Variants in WDFY4 observed in about 807,000 individuals in gnomAD.
WDFY4 encodes the protein WD repeat- and FYVE domain-containing protein 4.
Under a neutral mutation model 351.9 loss-of-function variants are expected in WDFY4, and 169 were observed. That is an observed-to-expected ratio of 0.48 (90% confidence interval 0.42 to 0.55). The LOEUF is 0.55. Among genes scored for constraint, WDFY4 ranks in the 20% least tolerant of loss-of-function variants. The probability of loss-of-function intolerance (pLI) is 0.00; values close to 1 mark genes in which losing one functional copy is unlikely to be tolerated. For synonymous variants in WDFY4, 1,622 were observed against 1,574.6 expected (o/e 1.03, Z -0.71); for missense variants, 3,803 against 3,935.6 (o/e 0.97, Z 0.90).
intron 13 of WDFY4, among the ~76,000 whole-genome samples, chr10:48,770,159 TA>T (rs2065814781): frequency 6.6e-6 from 1 of 152,362 alleles, no homozygotes; most frequent in Non-Finnish European, 1.5e-5. Context: ...GCTGCAGTGA[TA>T]ATGAGGACGA....
At chr10:48,894,751 C>T (rs564645178) in intron 44 of WDFY4, among the ~76,000 whole-genome samples, 4 of 152,260 alleles carry the variant, frequency 2.6e-5, no homozygotes, top group Admixed American at 2.6e-4. Context: ...GTGGTTCCCA[C>T]AAGCATGGGA....
At chr10:48,804,020 T>C (rs2067169891) in intron 25 of WDFY4, among the ~76,000 whole-genome samples, 1 of 152,216 alleles carries the variant, frequency 6.6e-6, no homozygotes. Flanking sequence ...TTTTTAAAAA[T>C]TTAACAGTCT....
intron 12 of WDFY4, among the ~76,000 whole-genome samples, chr10:48,751,622 T>C (rs2065185007): frequency 6.6e-6 from 1 of 152,232 alleles, no homozygotes; most frequent in Admixed American, 6.5e-5. Flanking sequence ...ATGGTGGCTG[T>C]CTGGAGTAAT....
chr10:48,901,412 T>G (rs1366567149), intron 46 of WDFY4, among the ~76,000 whole-genome samples: 1 of 152,140 alleles, frequency 6.6e-6, no homozygotes, highest in Non-Finnish European at 1.5e-5. Context: ...TAATGCAGAC[T>G]CCACAACCAC....
intron 53 of WDFY4, 135 bp from the exon 54 acceptor site, chr10:48,963,707 A>G: frequency 9.9e-7 from 1 of 1,012,158 alleles, no homozygotes; most frequent in Non-Finnish European, 1.4e-6. Flanking sequence ...TGTGCTCATC[A>G]AGCCCAGGGG....
rs979245637 is a variant in WDFY4 at position 48,788,652 on chromosome 10, G to C, written c.3931G>C (p.Asp1311His). 1.3e-6 allele frequency: 2 copies of C among 1,551,598 alleles called. No individual in the cohort carries two copies. Among genetic ancestry groups the C allele is most frequent in the African/African-American group, 2.7e-5 (2 of 73,058 alleles). Reference sequence around the variant, plus strand: ...CATCAGAAATGCTTACAATGAGGTGGACAGCCGCCTGATCGCCAAAGAGGT... The same window carrying C: ...CATCAGAAATGCTTACAATGAGGTGCACAGCCGCCTGATCGCCAAAGAGGT... ...ADIRNAYNEV[D>H]SRLIAKEMNI... The change falls in exon 21 of 62, where the codon GAC (aspartate) becomes CAC (histidine). Residue 1311 changes from aspartate (D) to histidine (H), a missense_variant. Asp to His is a moderately conservative substitution (Grantham distance 81). Around this residue, in one of 3 missense-constraint regions of WDFY4, gnomAD observed 3,054 missense variants for 3,148.6 expected, o/e 0.97. Transcript: ENST00000325239.
intron 33 of WDFY4, 120 bp downstream of exon 33, chr10:48,820,557 A>G (rs1480560727): frequency 2.7e-6 from 3 of 1,117,324 alleles, no homozygotes; most frequent in Non-Finnish European, 3.8e-6. Flanking sequence ...AGTGAAGGGG[A>G]ATCTGTGAAC....
intron 2 of WDFY4, among the ~76,000 whole-genome samples, chr10:48,711,673 C>T (rs2063770690): frequency 6.6e-6 from 1 of 152,212 alleles, no homozygotes; most frequent in Non-Finnish European, 1.5e-5. Flanking sequence ...CTATACTCTG[C>T]TCTAAGGCCT....
At chr10:48,819,103 C>T (rs899437412) in intron 32 of WDFY4, among the ~76,000 whole-genome samples, 115 of 152,364 alleles carry the variant, frequency 7.5e-4, no homozygotes, top group African/African-American at 2.2e-3. Flanking sequence ...TGACCCAGGG[C>T]TCCTGCTCCC....
intron 1 of WDFY4, among the ~76,000 whole-genome samples, chr10:48,694,435 C>A (rs557783294): frequency 6.6e-6 from 1 of 152,136 alleles, no homozygotes; most frequent in African/African-American, 2.4e-5. Flanking sequence ...TCCAAAGCCC[C>A]TGCTTCTGTG....
intron 39 of WDFY4, among the ~76,000 whole-genome samples, chr10:48,833,924 T>C (rs2068287055): frequency 6.6e-6 from 1 of 152,160 alleles, no homozygotes; most frequent in South Asian, 2.1e-4. Context: ...CAGCTCAGAA[T>C]CTGTAACTGC....
chr10:48,896,346 A>G (rs1005920426), intron 44 of WDFY4, among the ~76,000 whole-genome samples: 1 of 152,198 alleles, frequency 6.6e-6, no homozygotes, highest in Non-Finnish European at 1.5e-5. Flanking sequence ...GGTAGGAAGG[A>G]GAATTACCAC....
intron 15 of WDFY4, among the ~76,000 whole-genome samples, 158 bp from the exon 16 acceptor site, chr10:48,776,591 TG>T (rs2066037720): frequency 6.6e-6 from 1 of 152,216 alleles, no homozygotes; most frequent in African/African-American, 2.4e-5. Flanking sequence ...GGGCCCGGGC[TG>T]GGGGCCAGGG....
chr10:48,745,754 T>G, intron 12 of WDFY4: 1 of 518,530 alleles, frequency 1.9e-6, no homozygotes, highest in Non-Finnish European at 3.6e-6. Flanking sequence ...CTTGTGGGCT[T>G]CAGATGCACA....
intron 51 of WDFY4, among the ~76,000 whole-genome samples, chr10:48,947,772 G>A (rs1343751282): frequency 1.3e-5 from 2 of 152,166 alleles, no homozygotes; most frequent in Non-Finnish European, 2.9e-5. Context: ...TTTTGAACGG[G>A]GAGATAGCCC....
intron 44 of WDFY4, among the ~76,000 whole-genome samples, chr10:48,893,706 C>A (rs1279609307): frequency 6.6e-6 from 1 of 152,190 alleles, no homozygotes; most frequent in Non-Finnish European, 1.5e-5. Context: ...ATAATTCTGG[C>A]AACAGTCAGG....
At chr10:48,889,459 C>T (rs2133362456) in intron 43 of WDFY4, among the ~76,000 whole-genome samples, 1 of 151,810 alleles carries the variant, frequency 6.6e-6, no homozygotes, top group South Asian at 2.1e-4. Flanking sequence ...TAGTAGGTGG[C>T]TGATCTTTAG....
rs1286988280 is a variant in WDFY4, at chr10:48,780,157, C to A, written c.3576+38C>A. ...CTCCAAGCTGCACTTGCCCCACAAC[C>A]ATACCTCCTGCTACTACCCTGAAGT... On this transcript the variant is annotated intron_variant, in intron 19 of 61. Coordinates refer to ENST00000325239, the MANE Select transcript of WDFY4 (RefSeq NM_001394531.1). The A allele has an allele frequency of 5.2e-6, 8 of 1,548,802 alleles. No individual in the cohort carries two copies. In the African/African-American group the frequency reaches 1.1e-4, roughly 21 times the overall value.
At chr10:48,791,067 A>G in intron 23 of WDFY4, 150 bp downstream of exon 23, 1 of 976,566 alleles carries the variant, frequency 1.0e-6, no homozygotes, top group Middle Eastern at 2.5e-4. Context: ...TGAGACCAGC[A>G]ACTTCGCAGC....
Sources: gnomAD v4.1 joint callset for allele counts (sites outside exome capture counted in the v4.1 genomes callset) on GRCh38, gnomAD v4.1.1 for gene constraint, gnomAD v4.1.1 regional missense constraint, MANE v1.5 for transcripts, NCBI Gene and HGNC (gene_info 2026-07-23, HGNC 2026-07-21) for gene names.